The following HERC2 variants were observed in gnomAD, a reference collection of about 807,000 sequenced individuals.
HERC2 encodes E3 ubiquitin-protein ligase HERC2.
Under a neutral mutation model 537.7 loss-of-function variants are expected in HERC2, and 102 were observed. That is an observed-to-expected ratio of 0.19 (90% CI 0.16 to 0.22). The LOEUF (loss-of-function observed/expected upper bound fraction) is 0.22. Among genes scored for constraint, HERC2 ranks in the 10% least tolerant of loss-of-function variants. HERC2 has a pLI of 1.00. For synonymous variants in HERC2, 2,224 were observed against 2,466.2 expected (o/e 0.90, Z 2.91); for missense variants, 4,236 against 6,198.2 (o/e 0.68, Z 10.63).
intron 79 of HERC2, among the ~76,000 whole-genome samples, chr15:28,134,503 G>A (rs1890417737): frequency 6.6e-6 from 1 of 152,170 alleles, no homozygotes; most frequent in Admixed American, 6.5e-5. Flanking sequence ...CAATGTTGAA[G>A]AGAAGTGGTG....
intron 2 of HERC2, among the ~76,000 whole-genome samples, chr15:28,313,871 G>A (rs532686040): frequency 6.6e-6 from 1 of 152,084 alleles, no homozygotes; most frequent in African/African-American, 2.4e-5. Flanking sequence ...AAGCAAGCAG[G>A]GATGAGACTG....
chr15:28,145,830 G>A (rs559873649), intron 71 of HERC2, among the ~76,000 whole-genome samples: 15 of 152,262 alleles, frequency 9.9e-5, no homozygotes, highest in Admixed American at 3.9e-4. Flanking sequence ...GAGATAAGCC[G>A]GACATGTGGC....
At chr15:28,320,561 T>C (rs561594583) in intron 2 of HERC2, 20 of 152,136 alleles carry the variant, frequency 1.3e-4, no homozygotes, top group African/African-American at 4.8e-4. Flanking sequence ...CGACTTTTGA[T>C]GAACAGTCAA....
At position 28,117,104 on chromosome 15, in the gene HERC2, C is replaced by T. The variant is rs1172427443; in HGVS notation, c.13323G>A (p.Lys4441=). 1 of 1,614,170 alleles carries T rather than the reference C, an allele frequency of 6.2e-7. No homozygotes were observed. Among genetic ancestry groups the T allele is most frequent in the Non-Finnish European group, 8.5e-7 (1 of 1,180,024 alleles). ...KGGLAGPDGT[K]SVFGQMCAKM... ...TAGCACACATCTGCCCAAAGACAGA[C>T]TTGGTGCCGTCGGGGCCGGCCAGCC... The change falls in exon 87 of 93, where the codon AAG becomes AAA. Residue 4441 remains lysine, a synonymous_variant. Coordinates refer to ENST00000261609, the MANE Select transcript of HERC2 (RefSeq NM_004667.6).
At chr15:28,168,791 A>G (rs909675525) in intron 66 of HERC2, among the ~76,000 whole-genome samples, 6 of 152,232 alleles carry the variant, frequency 3.9e-5, no homozygotes, top group Non-Finnish European at 7.3e-5. Flanking sequence ...GATCCTATTT[A>G]TTTGAAAAAC....
chr15:28,254,325 G>A lies in HERC2; in HGVS notation c.3050+15C>T. 1.3e-6 allele frequency: 2 copies of A among 1,538,852 alleles called. No individual in the cohort carries two copies. The highest frequency in any genetic ancestry group is 1.8e-6 in the Non-Finnish European group (2 of 1,135,682). Reference sequence around the variant, plus strand: ...AATAAATAACATATAATACAATACAGCTACTACGATTTACCTAAGAAGCTG... The same window carrying A: ...AATAAATAACATATAATACAATACAACTACTACGATTTACCTAAGAAGCTG... On this transcript the variant is annotated intron_variant, in intron 20 of 92. Coordinates refer to ENST00000261609, the MANE Select transcript of HERC2 (RefSeq NM_004667.6).
chr15:28,127,842 G>A (rs2142132192), intron 83 of HERC2, among the ~76,000 whole-genome samples: 1 of 152,256 alleles, frequency 6.6e-6, no homozygotes, highest in African/African-American at 2.4e-5. Context: ...GAATACATTA[G>A]GATCCATGAT....
chr15:28,155,396 C>T (rs1453349655), intron 69 of HERC2, among the ~76,000 whole-genome samples: 3 of 152,056 alleles, frequency 2.0e-5, no homozygotes, highest in Admixed American at 1.3e-4. Flanking sequence ...TGTAAAAGTG[C>T]TCCTATTTCT....
At position 28,214,671 on chromosome 15, in the gene HERC2, G is replaced by A. The variant is rs372876251; in HGVS notation, c.6342C>T (p.Asp2114=). The stretch of plus-strand genomic sequence containing the variant: ...GCCACCCACCTCTGAGTAATGGCAC[G>A]TCAGAGGAGCAGGTAGTGAGCAAGC... ...LGSLLTTCSS[D]VPLLRESTLR... is the part of the protein sequence containing the mutation. Residue 2114 remains aspartate, a synonymous_variant, in exon 40 of 93, where the codon GAC becomes GAT. Transcript: ENST00000261609. 4.0e-5 allele frequency: 64 copies of A among 1,611,834 alleles called. No homozygotes were observed. Among genetic ancestry groups the A allele is most frequent in the Non-Finnish European group, 4.7e-5 (55 of 1,179,828 alleles).
chr15:28,275,642 G>A (rs977853608), intron 5 of HERC2, among the ~76,000 whole-genome samples: 4 of 152,174 alleles, frequency 2.6e-5, no homozygotes, highest in South Asian at 4.1e-4. Context: ...CTGTACAAGA[G>A]AGAAAAGGCT....
chr15:28,262,610 G>T (rs935947382), intron 15 of HERC2, among the ~76,000 whole-genome samples: 2 of 152,202 alleles, frequency 1.3e-5, no homozygotes, highest in African/African-American at 4.8e-5. Flanking sequence ...TCACCACACA[G>T]AGGGAACCCT....
rs1895358988 is a variant in HERC2 at position 28,177,083 on chromosome 15, C to T, written c.9299G>A (p.Arg3100His). 3.7e-6 allele frequency: 6 copies of T among 1,613,624 alleles called. No individual in the cohort carries two copies. The highest frequency in any genetic ancestry group is 5.1e-6 in the Non-Finnish European group (6 of 1,179,692). The change falls in exon 61 of 93, where the codon CGT becomes CAT. Residue 3100 changes from arginine to histidine, a missense_variant. Physicochemically the swap from Arg to His is conservative, Grantham distance 29. Around this residue, in one of 27 missense-constraint regions of HERC2, gnomAD observed 606 missense variants for 884.5 expected, o/e 0.69. Coordinates refer to ENST00000261609, the MANE Select transcript of HERC2 (RefSeq NM_004667.6). This position sits in a 1 kb window ranked among gnomAD's most constrained non-coding sequence, Gnocchi z 5.0. ...GCTCCCACAGGCGATATCCCGGATA[C>T]GCTTGGTTTTCAGGGCCTCGATCAG... ...PRLIEALKTK[R>H]IRDIACGSSH... is the part of the protein sequence containing the mutation.
intron 2 of HERC2, among the ~76,000 whole-genome samples, chr15:28,317,148 T>C (rs943976829): frequency 4.0e-5 from 6 of 151,826 alleles, no homozygotes; most frequent in Non-Finnish European, 5.9e-5. Flanking sequence ...TGGAGTGCAA[T>C]GGCATGATCT....
intron 43 of HERC2, among the ~76,000 whole-genome samples, chr15:28,212,148 A>T (rs2525913): frequency 6.6e-6 from 1 of 152,002 alleles, no homozygotes; most frequent in African/African-American, 2.4e-5. Context: ...TGGGATGGAG[A>T]GGAGGAGGGA....
chr15:28,139,294 T>C (rs777037225), intron 78 of HERC2, among the ~76,000 whole-genome samples: 9 of 152,216 alleles, frequency 5.9e-5, no homozygotes, highest in Non-Finnish European at 1.3e-4. Context: ...CGGGGCTCTG[T>C]CTCCTCCACT....
intron 4 of HERC2, among the ~76,000 whole-genome samples, chr15:28,283,519 C>T (rs1165866320): frequency 2.7e-4 from 41 of 152,136 alleles, no homozygotes; most frequent in Admixed American, 2.7e-3. Flanking sequence ...CAGAATTTGT[C>T]ACCAGAAGAC....
At chr15:28,142,151 T>C in intron 76 of HERC2, 87 bp downstream of exon 76, 1 of 1,463,528 alleles carries the variant, frequency 6.8e-7, no homozygotes, top group South Asian at 1.4e-5. Context: ...GAAATTTTTC[T>C]GTGTCTCGTA....
chr15:28,259,326 C>T (rs1338284044), intron 16 of HERC2, among the ~76,000 whole-genome samples: 2 of 151,752 alleles, frequency 1.3e-5, no homozygotes, highest in African/African-American at 4.9e-5. Flanking sequence ...AACTCCTGAC[C>T]TCAGGTGATC....
rs1235649820 is a variant in HERC2 at position 28,228,348 on chromosome 15, C to A, written c.5334G>T (p.Gly1778=). 1.2e-6 allele frequency: 2 copies of A among 1,612,018 alleles called. No individual in the cohort carries two copies. The highest frequency in any genetic ancestry group is 1.7e-6 in the Non-Finnish European group (2 of 1,179,862). The change falls in exon 35 of 93, where the codon GGG becomes GGT. Residue 1778 remains glycine, a synonymous_variant. Transcript: ENST00000261609. ...TNENPSGPSL[G]TIPQARFLLV... ...GGAGGAAGCGGGCTTGCGGGATGGT[C>A]CCCAGGCTCGGTCCTGACGGGTTCT...
Sources: gnomAD v4.1 joint callset for allele counts (sites outside exome capture counted in the v4.1 genomes callset) on GRCh38, gnomAD v4.1.1 for gene constraint, gnomAD v4.1.1 regional missense constraint, Gnocchi (gnomAD v3.1) non-coding constraint, MANE v1.5 for transcripts, NCBI Gene and HGNC (gene_info 2026-07-23, HGNC 2026-07-21) for gene names.